GLI2: variants seen among roughly 807,000 people sequenced by gnomAD.
GLI2 encodes transcription activator GLI2.
Under a neutral mutation model 78.9 loss-of-function variants are expected in GLI2, and 22 were observed. The ratio of observed to expected loss-of-function variants is 0.28; its 90% CI spans 0.20 to 0.40. The LOEUF (loss-of-function observed/expected upper bound fraction) is 0.40, where lower values mean the gene tolerates loss of function less well. GLI2 is among the 10% of genes least tolerant of loss of function. The pLI, the probability that GLI2 is intolerant of heterozygous loss-of-function variation, is 1.00. For synonymous variants in GLI2, 974 were observed against 963.7 expected, an observed-to-expected ratio of 1.01 and a Z score of -0.20; for missense variants, 2,097 against 2,213.2, an observed-to-expected ratio of 0.95 and a Z score of 1.05.
chr2:120,988,297 G>T lies in GLI2; in HGVS notation c.2332G>T (p.Glu778Ter). 6.4e-7 allele frequency: 1 copy of T among 1,565,002 alleles called. No homozygotes were observed. The part of the protein sequence containing the change: ...NPRLSELSAS[E>*]VTMLSQLQER... The stretch of plus-strand genomic sequence containing the variant: ...GCGGCTGTCGGAGCTGTCCGCGAGC[G>T]AGGTGACCATGCTGAGCCAGCTGCA... Residue 778 changes from glutamate to a stop codon, truncating the protein, a stop_gained, in exon 14 of 14, where the codon GAG (glutamate) becomes TAG (stop). Transcript: ENST00000361492. LOFTEE classifies it low-confidence loss of function (END_TRUNC).
At chr2:120,859,683 G>A (rs1192035563) in intron 2 of GLI2, among the ~76,000 whole-genome samples, 1 of 152,000 alleles carries the variant, frequency 6.6e-6, no homozygotes, top group Non-Finnish European at 1.5e-5. Flanking sequence ...TCCATCTCTC[G>A]GCCTCAGGTG....
chr2:120,858,828 C>A (rs1213998882), intron 2 of GLI2, among the ~76,000 whole-genome samples: 1 of 152,218 alleles, frequency 6.6e-6, no homozygotes, highest in Non-Finnish European at 1.5e-5. Context: ...CTCTCCAACT[C>A]CATTTATTAC....
intron 1 of GLI2, among the ~76,000 whole-genome samples, chr2:120,764,271 G>A (rs1683303508): frequency 6.6e-6 from 1 of 152,206 alleles, no homozygotes; most frequent in South Asian, 2.1e-4. Context: ...TGGGGAGGGA[G>A]GTTACAGGAT....
At chr2:120,879,116 TC>T (rs1688912289) in intron 2 of GLI2, among the ~76,000 whole-genome samples, 1 of 152,056 alleles carries the variant, frequency 6.6e-6, no homozygotes, top group African/African-American at 2.4e-5. Flanking sequence ...TGGCATTAGC[TC>T]ATGGATCTCG....
chr2:120,989,273 C>T lies in GLI2; in HGVS notation c.3308C>T (p.Ser1103Phe), dbSNP rs975278086. The change falls in exon 14 of 14, where the codon TCC becomes TTC. Residue 1103 changes from serine (S) to phenylalanine (F), a missense_variant. Ser to Phe is a radical substitution (Grantham distance 155). Coordinates refer to ENST00000361492, the MANE Select transcript of GLI2 (RefSeq NM_001374353.1). ...GCTGCGGACTCCAACGTGGGCCCCT[C>T]CGCCCCTATGCTGGGAGGATGCCAG... ...MVAADSNVGP[S>F]APMLGGCQLG... 1.9e-6 allele frequency: 3 copies of T among 1,613,152 alleles called. No homozygotes were observed. Among genetic ancestry groups the T allele is most frequent in the Admixed American group, 3.3e-5 (2 of 60,034 alleles).
chr2:120,866,065 C>A (rs1688116961), intron 2 of GLI2, among the ~76,000 whole-genome samples: 1 of 152,224 alleles, frequency 6.6e-6, no homozygotes, highest in Non-Finnish European at 1.5e-5. Flanking sequence ...GAGGAAGGCC[C>A]ATGCAGGCCT....
intron 5 of GLI2, among the ~76,000 whole-genome samples, chr2:120,964,590 G>A (rs1048001481): frequency 6.6e-6 from 1 of 152,210 alleles, no homozygotes; most frequent in African/African-American, 2.4e-5. Flanking sequence ...AGGAGGGAAG[G>A]CCGACTCCCG....
chr2:120,905,692 G>A (rs765231594), intron 2 of GLI2, among the ~76,000 whole-genome samples: 10 of 152,210 alleles, frequency 6.6e-5, no homozygotes, highest in Admixed American at 1.3e-4. Context: ...GCTCAGGCCC[G>A]CATCTGGAGG....
rs1156276192 is a variant in GLI2 at position 120,842,113 on chromosome 2, C to CA, written c.148+44653dup. ...TGCTTAAAGTTGATGAGATTGAAAC[C>CA]AAAAAAAATTCAGGAGTTACTAAAG... On this transcript the variant is annotated intron_variant, in intron 2 of 13. Transcript: ENST00000361492. Among the ~76,000 whole-genome samples, 20 of 144,834 alleles carry CA rather than the reference C, an allele frequency of 1.4e-4. 1 individual carries two copies. The highest frequency in any genetic ancestry group is 5.1e-4 in the African/African-American group (20 of 38,910).
At chr2:120,861,185 G>A (rs2104641125) in intron 2 of GLI2, among the ~76,000 whole-genome samples, 1 of 152,334 alleles carries the variant, frequency 6.6e-6, no homozygotes, top group South Asian at 2.1e-4. Context: ...TGTCTCTGAG[G>A]CCATGTAGCC....
Position 120,988,473 on chromosome 2 carries a change from C to A in GLI2, c.2508C>A (p.Asp836Glu). 7.7e-6 allele frequency: 12 copies of A among 1,561,930 alleles called. No homozygotes were observed. Among genetic ancestry groups the A allele is most frequent in the Non-Finnish European group, 1.0e-5 (12 of 1,163,840 alleles). ...GCCCGCACAACGCGAGCTCCGCTGACTCCTACGACCCCATCTCCACGGACG... is the reference window on the plus strand; with the variant it reads ...GCCCGCACAACGCGAGCTCCGCTGAATCCTACGACCCCATCTCCACGGACG... Reference protein sequence around the residue: ...AGRPHNASSADSYDPISTDAS... With the variant: ...AGRPHNASSAESYDPISTDAS... Residue 836 changes from aspartate (D) to glutamate (E), a missense_variant, in exon 14 of 14, where the codon GAC becomes GAA. Transcript: ENST00000361492.
intron 12 of GLI2, among the ~76,000 whole-genome samples, 176 bp from the exon 13 acceptor site, chr2:120,986,102 C>T (rs1206368658): frequency 6.6e-6 from 1 of 152,364 alleles, no homozygotes; most frequent in East Asian, 1.9e-4. Context: ...GTGACTTGAC[C>T]GTTTTAAGCA....
chr2:120,889,091 A>G (rs922897181), intron 2 of GLI2, among the ~76,000 whole-genome samples: 1 of 152,160 alleles, frequency 6.6e-6, no homozygotes, highest in African/African-American at 2.4e-5. Context: ...GAGAAACAGA[A>G]CGCATCTTTA....
At chr2:120,787,205 G>A (rs776845642) in intron 1 of GLI2, among the ~76,000 whole-genome samples, 5 of 152,292 alleles carry the variant, frequency 3.3e-5, no homozygotes, top group African/African-American at 1.2e-4. Context: ...CAGAGGAACC[G>A]CGTGATCAGA....
chr2:120,936,812 T>C (rs954218226), intron 3 of GLI2, among the ~76,000 whole-genome samples: 2 of 152,188 alleles, frequency 1.3e-5, no homozygotes, highest in Admixed American at 1.3e-4. Context: ...CCAAACTCAT[T>C]GTTGCTGGAT....
At chr2:120,948,117 C>G (rs1386740127) in intron 3 of GLI2, among the ~76,000 whole-genome samples, 1 of 152,220 alleles carries the variant, frequency 6.6e-6, no homozygotes, top group East Asian at 1.9e-4. Context: ...ATGAGGGAGT[C>G]CCAGCCTGGG....
At position 120,757,693 on chromosome 2, in the gene GLI2, C is replaced by T. The variant is rs145440722; in HGVS notation, c.-31+21408C>T. 1.5e-3 allele frequency among the ~76,000 whole-genome samples: 232 copies of T among 152,320 alleles called. No individual in the cohort carries two copies. In the Middle Eastern group the frequency reaches 0.031, roughly 20 times the overall value. On this transcript the variant is annotated intron_variant, in intron 1 of 13. Coordinates refer to ENST00000361492, the MANE Select transcript of GLI2 (RefSeq NM_001374353.1). The stretch of plus-strand genomic sequence containing the variant: ...GGTCTGGTGTTCTGCCATGCAAAAC[C>T]CTTCTTACCCTGGTCTCCCTCCTCT...
chr2:120,912,087 G>A (rs1010270808), intron 2 of GLI2, among the ~76,000 whole-genome samples: 2 of 152,118 alleles, frequency 1.3e-5, no homozygotes, highest in Non-Finnish European at 2.9e-5. Flanking sequence ...CAAACGCCTC[G>A]GATGAGAGTG....
intron 3 of GLI2, among the ~76,000 whole-genome samples, chr2:120,928,051 T>C (rs1406321238): frequency 6.6e-6 from 1 of 152,092 alleles, no homozygotes; most frequent in African/African-American, 2.4e-5. Context: ...CATTGGCTGG[T>C]GTCATTTCTT....
Sources: allele counts gnomAD v4.1 joint callset (sites outside exome capture counted in the v4.1 genomes callset), GRCh38; gene constraint gnomAD v4.1.1; transcripts MANE v1.5; gene names NCBI Gene and HGNC (gene_info 2026-07-23, HGNC 2026-07-21).